The following LRMDA variants were observed in gnomAD, a reference collection of about 807,000 sequenced individuals.
LRMDA encodes leucine-rich melanocyte differentiation-associated protein.
In LRMDA, 18 loss-of-function variants were observed where a neutral mutation model predicts 29.8. The observed-to-expected ratio is 0.60, with a 90% CI of 0.42 to 0.90. LRMDA has a LOEUF of 0.90. LRMDA is among the 40% of genes least tolerant of loss of function. The probability of loss-of-function intolerance (pLI) is 0.00; values close to 1 mark genes in which losing one functional copy is unlikely to be tolerated. For missense variants in LRMDA, 273 were observed against 273.9 expected, an observed-to-expected ratio of 1.00 and a Z score of 0.02; for synonymous variants, 125 against 109.4, an observed-to-expected ratio of 1.14 and a Z score of -0.89.
At chr10:75,509,648 C>T (rs1307819793) in intron 2 of LRMDA, among the ~76,000 whole-genome samples, 1 of 152,204 alleles carries the variant, frequency 6.6e-6, no homozygotes, top group Non-Finnish European at 1.5e-5. Flanking sequence ...ATCCATGTTT[C>T]TATTTGAGGT....
intron 2 of LRMDA, among the ~76,000 whole-genome samples, chr10:75,780,978 T>A (rs987591244): frequency 5.3e-5 from 8 of 152,232 alleles, no homozygotes; most frequent in Admixed American, 4.6e-4. Context: ...AACTTCCCCC[T>A]TGTCCCTGCC....
chr10:75,956,987 C>T (rs1202686841), intron 2 of LRMDA, among the ~76,000 whole-genome samples: 1 of 152,192 alleles, frequency 6.6e-6, no homozygotes, highest in Non-Finnish European at 1.5e-5. Context: ...CTTTGTTTGC[C>T]TTCTTTTACA....
At chr10:76,283,184 G>T (rs1311983346) in intron 5 of LRMDA, among the ~76,000 whole-genome samples, 1 of 152,202 alleles carries the variant, frequency 6.6e-6, no homozygotes, top group African/African-American at 2.4e-5. Context: ...TCTGCAATGA[G>T]TTTATTTAAC....
chr10:75,951,692 C>T (rs562169446), intron 2 of LRMDA, among the ~76,000 whole-genome samples: 24 of 152,236 alleles, frequency 1.6e-4, no homozygotes, highest in Non-Finnish European at 2.8e-4. Flanking sequence ...TTTTTTTCCA[C>T]GGTGAAGAAC....
At chr10:75,593,705 C>T (rs1360513960) in intron 2 of LRMDA, among the ~76,000 whole-genome samples, 1 of 152,232 alleles carries the variant, frequency 6.6e-6, no homozygotes, top group Non-Finnish European at 1.5e-5. Flanking sequence ...CATGGCTTGT[C>T]CTAAGTGGTA....
rs71024586 is a variant in LRMDA, at chr10:76,084,364, ATTTTTTTTT to A, written c.516+25604_516+25612del. On this transcript the variant is annotated intron_variant, in intron 5 of 6. Coordinates refer to ENST00000611255, the MANE Select transcript of LRMDA (RefSeq NM_001305581.2). ...GGGTATGTGCCACTGCGCCCAGCTA[ATTTTTTTTT>A]TTTTTTTTTTTTTTTTTTTTTTGTA... is the stretch of plus-strand genomic sequence containing the variant. Among the ~76,000 whole-genome samples, 7 of 70,930 alleles carry A rather than the reference ATTTTTTTTT, an allele frequency of 9.9e-5. No individual in the cohort carries two copies. The East Asian group carries it at 1.8e-3, about 19-fold the overall frequency. 46.5% of individuals were successfully genotyped at this position (70,930 alleles called of 152,430 possible).
At chr10:76,312,199 T>C (rs1840638177) in intron 5 of LRMDA, among the ~76,000 whole-genome samples, 1 of 152,236 alleles carries the variant, frequency 6.6e-6, no homozygotes, top group African/African-American at 2.4e-5. Context: ...AGATGTGTCC[T>C]CAGCTGATTG....
chr10:76,415,575 A>G (rs958803686), intron 6 of LRMDA, among the ~76,000 whole-genome samples: 1 of 151,838 alleles, frequency 6.6e-6, no homozygotes, highest in Non-Finnish European at 1.5e-5. Context: ...CCATATTAAC[A>G]TTCTCTCATC....
chr10:76,246,729 A>G (rs564786544), intron 5 of LRMDA, among the ~76,000 whole-genome samples: 7 of 152,220 alleles, frequency 4.6e-5, no homozygotes, highest in African/African-American at 1.7e-4. Flanking sequence ...ATCCCACTTT[A>G]AAGGGTGTGT....
chr10:75,707,664 T>A (rs1460729366), intron 2 of LRMDA, among the ~76,000 whole-genome samples: 1 of 152,048 alleles, frequency 6.6e-6, no homozygotes, highest in Non-Finnish European at 1.5e-5. Flanking sequence ...GGGAGGATGG[T>A]TTTCTACCAC....
At chr10:75,536,555 G>C (rs1318645015) in intron 2 of LRMDA, among the ~76,000 whole-genome samples, 1 of 152,078 alleles carries the variant, frequency 6.6e-6, no homozygotes. Flanking sequence ...CCACCCACTT[G>C]CTATTCTTTT....
chr10:76,176,176 T>G (rs1029818723), intron 5 of LRMDA, among the ~76,000 whole-genome samples: 2 of 152,160 alleles, frequency 1.3e-5, no homozygotes, highest in Non-Finnish European at 2.9e-5. Flanking sequence ...CTTCCACAGG[T>G]GTATGGGCTT....
chr10:76,382,788 G>A (rs534261604), intron 6 of LRMDA, among the ~76,000 whole-genome samples: 1 of 152,272 alleles, frequency 6.6e-6, no homozygotes, highest in East Asian at 1.9e-4. Context: ...ACATCTGGAA[G>A]GGGAGTTTCT....
chr10:76,142,677 A>C (rs1049742734), intron 5 of LRMDA, among the ~76,000 whole-genome samples: 4 of 93,782 alleles, frequency 4.3e-5, no homozygotes, highest in Non-Finnish European at 8.0e-5. Flanking sequence ...TCATTATGTT[A>C]TTATCTTTAT....
intron 5 of LRMDA, among the ~76,000 whole-genome samples, chr10:76,206,225 G>A (rs1419752405): frequency 6.6e-6 from 1 of 152,122 alleles, no homozygotes; most frequent in Non-Finnish European, 1.5e-5. Context: ...CCCTCTCACT[G>A]TTCTCAGAAC....
chr10:75,479,178 A>T (rs1273983392), intron 2 of LRMDA, among the ~76,000 whole-genome samples: 2 of 152,128 alleles, frequency 1.3e-5, no homozygotes, highest in African/African-American at 2.4e-5. Flanking sequence ...GGTGACGCTT[A>T]GGGAAAGCTT....
chr10:76,238,849 G>A (rs866691832), intron 5 of LRMDA, among the ~76,000 whole-genome samples: 13 of 151,570 alleles, frequency 8.6e-5, no homozygotes, highest in East Asian at 1.9e-4. Flanking sequence ...GTGTGATGGC[G>A]ACGGCACCCT....
chr10:75,784,162 G>A (rs888860789), intron 2 of LRMDA, among the ~76,000 whole-genome samples: 1 of 152,172 alleles, frequency 6.6e-6, no homozygotes, highest in Non-Finnish European at 1.5e-5. Context: ...AGTAGGACTG[G>A]TGGAGCCAGA....
intron 6 of LRMDA, among the ~76,000 whole-genome samples, chr10:76,351,708 G>GAA (rs113853687): frequency 7.5e-5 from 10 of 133,720 alleles, no homozygotes; most frequent in Admixed American, 7.6e-5. Flanking sequence ...ACTCTAGTCT[G>GAA]AAAAAAAAAA....
Sources: allele counts gnomAD v4.1 joint callset (sites outside exome capture counted in the v4.1 genomes callset), GRCh38; gene constraint gnomAD v4.1.1; transcripts MANE v1.5; gene names NCBI Gene and HGNC (gene_info 2026-07-23, HGNC 2026-07-21).